The following BCL2L11 variants were observed in gnomAD, a reference collection of about 807,000 sequenced individuals.
The protein encoded by BCL2L11 is bcl-2-like protein 11.
BCL2L11 carries 15 observed loss-of-function variants against 20.6 expected under a neutral mutation model. The ratio of observed to expected loss-of-function variants is 0.73; its 90% CI spans 0.49 to 1.12. The LOEUF is 1.12. Among genes scored for constraint, BCL2L11 ranks in the 50% most tolerant of loss-of-function variants. The probability of loss-of-function intolerance (pLI) is 0.00; values close to 1 mark genes in which losing one functional copy is unlikely to be tolerated. For synonymous variants in BCL2L11, 108 were observed against 92.8 expected (o/e 1.16, Z -0.94); for missense variants, 292 against 260.9 (o/e 1.12, Z -0.82).
At chr2:111,143,004 T>G (rs567428789) in intron 2 of BCL2L11, among the ~76,000 whole-genome samples, 1 of 152,332 alleles carries the variant, frequency 6.6e-6, no homozygotes, top group African/African-American at 2.4e-5. Context: ...ATTGGGTAGT[T>G]TACCTCGTCA....
At chr2:111,146,369 C>A in intron 2 of BCL2L11, 1 of 490,656 alleles carries the variant, frequency 2.0e-6, no homozygotes, top group Non-Finnish European at 2.7e-6. Flanking sequence ...TTCTTATAAA[C>A]TAGAAATGTC....
intron 1 of BCL2L11, among the ~76,000 whole-genome samples, chr2:111,122,430 G>C (rs1352200450): frequency 6.6e-6 from 1 of 152,212 alleles, no homozygotes; most frequent in East Asian, 1.9e-4. Flanking sequence ...CCACGACCAC[G>C]GCCAGAGCAG....
chr2:111,161,615 T>G, intron 3 of BCL2L11: 29 of 1,478,330 alleles, frequency 2.0e-5, no homozygotes, highest in South Asian at 2.6e-5. Flanking sequence ...TGACAGCTCC[T>G]GGCTCAGTCT....
At chr2:111,127,286 GTACAATTGGA>G (rs2072850911) in intron 2 of BCL2L11, among the ~76,000 whole-genome samples, 1 of 151,928 alleles carries the variant, frequency 6.6e-6, no homozygotes, top group Non-Finnish European at 1.5e-5. Context: ...AGTGTAGTCA[GTACAATTGGA>G]AATAAGAGTT....
chr2:111,125,016 C>T (rs1187952578), intron 2 of BCL2L11, among the ~76,000 whole-genome samples: 1 of 152,082 alleles, frequency 6.6e-6, no homozygotes, highest in Admixed American at 6.5e-5. Flanking sequence ...ACCACAGAGG[C>T]CCACAGCAAA....
chr2:111,164,427 G>C lies in BCL2L11; in HGVS notation c.*196G>C. 1 of 499,480 alleles carries C rather than the reference G, an allele frequency of 2.0e-6. No individual in the cohort carries two copies. Among genetic ancestry groups the C allele is most frequent in the Non-Finnish European group, 3.6e-6 (1 of 277,216 alleles). The allele number at this position is 499,480 out of a possible 1,614,324, so 30.9% of individuals were successfully genotyped here. A position where few individuals can be genotyped will look rare whatever the true frequency, so the allele number is the denominator to read the frequency against. On this transcript the variant is annotated 3_prime_UTR_variant, in exon 4 of 4. Transcript: ENST00000393256. ...ATCACCACACAGCAGAATTTCTAAT[G>C]GAAGTTTGTTGTGAATGTAAAGGAG...
At chr2:111,132,473 A>G (rs1338813235) in intron 2 of BCL2L11, among the ~76,000 whole-genome samples, 1 of 152,118 alleles carries the variant, frequency 6.6e-6, no homozygotes, top group African/African-American at 2.4e-5. Context: ...TTTGGAGCAC[A>G]TTTTTTTCTC....
chr2:111,158,090 C>A (rs2078096856), intron 3 of BCL2L11, among the ~76,000 whole-genome samples: 1 of 152,216 alleles, frequency 6.6e-6, no homozygotes, highest in African/African-American at 2.4e-5. Flanking sequence ...GGAACCAGTG[C>A]TGAAATACCA....
intron 3 of BCL2L11, 37 bp from the exon 4 acceptor site, chr2:111,164,096 A>AAT: frequency 1.6e-5 from 11 of 679,924 alleles, no homozygotes; most frequent in Non-Finnish European, 2.9e-5. Flanking sequence ...CCCCCAAATT[A>AAT]GGGAGAAACT....
chr2:111,123,938 G>A lies in BCL2L11; in HGVS notation c.193G>A (p.Ala65Thr), dbSNP rs2071862997. 1 of 1,613,954 alleles carries A rather than the reference G, an allele frequency of 6.2e-7. No individual in the cohort carries two copies. The highest frequency in any genetic ancestry group is 1.3e-5 in the African/African-American group (1 of 74,932). The part of the protein sequence containing the change: ...CPHGSPQGPL[A>T]PPASPGPFAT... ...CCACGGCAGCCCTCAGGGCCCGCTGGCCCCACCTGCCAGCCCTGGCCCTTT... is the reference window on the plus strand; with the variant it reads ...CCACGGCAGCCCTCAGGGCCCGCTGACCCCACCTGCCAGCCCTGGCCCTTT... The change falls in exon 2 of 4, where the codon GCC becomes ACC. Residue 65 changes from alanine (A) to threonine (T), a missense_variant. By Grantham distance (58) the Ala-to-Thr change is moderately conservative. Coordinates refer to ENST00000393256, the MANE Select transcript of BCL2L11 (RefSeq NM_138621.5).
At chr2:111,163,764 C>G (rs1383321989) in intron 3 of BCL2L11, among the ~76,000 whole-genome samples, 4 of 152,092 alleles carry the variant, frequency 2.6e-5, no homozygotes, top group African/African-American at 7.2e-5. Context: ...AAATTCACCC[C>G]TGGGGGAATC....
At chr2:111,123,202 A>G (rs2071594848) in intron 1 of BCL2L11, 5 of 985,120 alleles carry the variant, frequency 5.1e-6, no homozygotes, top group Non-Finnish European at 6.0e-6. Flanking sequence ...CTGGAGTTAC[A>G]AACTCTATTG....
intron 3 of BCL2L11, chr2:111,151,735 G>T: frequency 3.6e-6 from 4 of 1,107,054 alleles, no homozygotes. Context: ...GGGGGTGTTT[G>T]AGGAGAGTGC....
chr2:111,121,819 C>A (rs1444226604), intron 1 of BCL2L11, among the ~76,000 whole-genome samples: 4 of 152,232 alleles, frequency 2.6e-5, no homozygotes, highest in African/African-American at 9.6e-5. Context: ...GCCATCCGCA[C>A]GATTCCCTGG....
chr2:111,122,612 G>A (rs1288242634), intron 1 of BCL2L11: 5 of 984,650 alleles, frequency 5.1e-6, no homozygotes, highest in South Asian at 4.5e-5. Flanking sequence ...TGCCGGCGGC[G>A]GCGGGCGCAG....
At chr2:111,151,165 G>C (rs1235850495) in intron 3 of BCL2L11, among the ~76,000 whole-genome samples, 3 of 152,156 alleles carry the variant, frequency 2.0e-5, no homozygotes, top group African/African-American at 7.2e-5. Context: ...GCCTCCCAAA[G>C]TGCTGGGATT....
intron 1 of BCL2L11, chr2:111,122,746 CG>C (rs1279064252): frequency 4.1e-6 from 4 of 985,176 alleles, no homozygotes; most frequent in Non-Finnish European, 4.8e-6. Flanking sequence ...GGCGGGCTGG[CG>C]GGAAGGCGCG....
intron 2 of BCL2L11, among the ~76,000 whole-genome samples, chr2:111,139,229 C>T (rs2075407339): frequency 6.6e-6 from 1 of 152,142 alleles, no homozygotes. Flanking sequence ...TGAGAAGAAC[C>T]TCAGCTTCTT....
Position 111,165,321 on chromosome 2 carries a change from G to C in BCL2L11, c.*1090G>C, listed in dbSNP as rs1255984040. ...TCCATTACAGCAGAGTCCAGCTGCAGCATCCAGCTCACGCCCTCATGGGAA... is the reference window on the plus strand; with the variant it reads ...TCCATTACAGCAGAGTCCAGCTGCACCATCCAGCTCACGCCCTCATGGGAA... On this transcript the variant is annotated 3_prime_UTR_variant, in exon 4 of 4. Transcript: ENST00000393256. The C allele has an allele frequency of 6.6e-6, 1 of 152,318 alleles. No individual in the cohort carries two copies. The highest frequency in any genetic ancestry group is 1.5e-5 in the Non-Finnish European group (1 of 68,118). The allele number at this position is 152,318 out of a possible 1,614,324, so 9.4% of individuals were successfully genotyped here.
Sources: gnomAD v4.1 joint callset for allele counts (sites outside exome capture counted in the v4.1 genomes callset) on GRCh38, gnomAD v4.1.1 for gene constraint, MANE v1.5 for transcripts, NCBI Gene and HGNC (gene_info 2026-07-23, HGNC 2026-07-21) for gene names.